FBN3: variants seen among roughly 807,000 people sequenced by gnomAD.
FBN3 encodes fibrillin-3.
A neutral mutation model predicts 330.1 loss-of-function variants in FBN3; 234 were observed. The ratio of observed to expected loss-of-function variants is 0.71; its 90% CI spans 0.64 to 0.79. FBN3 has a LOEUF of 0.79. FBN3 is among the 30% of genes least tolerant of loss of function. FBN3 has a pLI of 0.00. For missense variants in FBN3, 3,606 were observed against 3,886.9 expected (o/e 0.93, Z 1.92); for synonymous variants, 1,458 against 1,517.3 (o/e 0.96, Z 0.91).
intron 51 of FBN3, among the ~76,000 whole-genome samples, chr19:8,088,804 C>G (rs1226785552): frequency 6.6e-6 from 1 of 151,966 alleles, no homozygotes; most frequent in African/African-American, 2.4e-5. Flanking sequence ...AATGAAGGAA[C>G]AAATGAATGA....
rs557408053 is a variant in FBN3, at chr19:8,128,538, G to A, written c.2296+490C>T. On this transcript the variant is annotated intron_variant, in intron 18 of 63. Transcript: ENST00000600128. The stretch of plus-strand genomic sequence containing the variant: ...AGATCGTGCCACTGCACTCCAGCCT[G>A]GGTGATAGAGCAAGACTCTGTCTCA... 4.6e-5 allele frequency among the ~76,000 whole-genome samples: 7 copies of A among 151,766 alleles called. No individual in the cohort carries two copies. In the East Asian group the frequency reaches 1.4e-3, roughly 29 times the overall value.
rs556473334 is a variant in FBN3, at chr19:8,131,339, C to T, written c.1991-51G>A. ...CGGGTCAGGGAGCTTAGCCATGGCT[C>T]GGATTCAGCCACAGGCAAGGATGAG... On this transcript the variant is annotated intron_variant, in intron 15 of 63. Transcript: ENST00000600128. The surrounding 1 kb of genome is among the most constrained non-coding windows in gnomAD (Gnocchi z 4.5). The T allele has an allele frequency of 9.9e-5, 157 of 1,590,026 alleles. 1 individual carries two copies. The South Asian group carries it at 1.5e-3, about 15-fold the overall frequency.
chr19:8,116,886 T>G, intron 28 of FBN3, 87 bp from the exon 29 acceptor site: 1 of 1,498,076 alleles, frequency 6.7e-7, no homozygotes, highest in South Asian at 1.3e-5. Context: ...CAGGACGACC[T>G]GTAGCCAGGT....
At chr19:8,147,065 G>A in intron 3 of FBN3, 39 bp downstream of exon 3, 2 of 1,521,242 alleles carry the variant, frequency 1.3e-6, no homozygotes, top group Admixed American at 2.0e-5. Context: ...AGTGTCCCCG[G>A]CCTGTGCCCC....
In FBN3 at chr19:8,088,083, G is replaced by A. The variant is rs774216770; in HGVS notation, c.6473C>T (p.Pro2158Leu). ...FECACADGFE[P>L]GLMMTCEDID... Reference sequence around the variant, plus strand: ...ACCCTCGCAGGTCATCATGAGGCCAGGCTCAAAGCCGTCAGCACAGGCACA... The same window carrying A: ...ACCCTCGCAGGTCATCATGAGGCCAAGCTCAAAGCCGTCAGCACAGGCACA... The change falls in exon 52 of 64, where the codon CCT becomes CTT. Residue 2158 changes from proline to leucine, a missense_variant. Pro to Leu is a moderately conservative substitution (Grantham distance 98). Coordinates refer to ENST00000600128, the MANE Select transcript of FBN3 (RefSeq NM_032447.5). The A allele has an allele frequency of 3.7e-6, 6 of 1,614,120 alleles. No individual in the cohort carries two copies. The Admixed American group carries it at 1.0e-4, about 27-fold the overall frequency.
chr19:8,135,936 G>GACCCCC, intron 13 of FBN3, 25 bp downstream of exon 13: 11 of 668,778 alleles, frequency 1.6e-5, no homozygotes, highest in East Asian at 3.9e-5. Context: ...GGAAGCCCCT[G>GACCCCC]CCCACCCGCC....
chr19:8,125,866 T>C (rs35988441), intron 22 of FBN3, 26 bp downstream of exon 22: 270,300 of 1,585,656 alleles, frequency 0.17, 25,148 homozygotes, highest in East Asian at 0.36. Flanking sequence ...CGTGTGGCCC[T>C]GTATGCGGAC....
At position 8,109,570 on chromosome 19, in the gene FBN3, G is replaced by A; in HGVS notation, c.4456+61C>T. On this transcript the variant is annotated intron_variant, in intron 35 of 63. Transcript: ENST00000600128. The surrounding 1 kb of genome is among the most constrained non-coding windows in gnomAD (Gnocchi z 5.2). ...GTTGACATCTGAGTTAACCCAGTGG[G>A]GCAATCCCACCCACCTCTGCTGACC... The A allele has an allele frequency of 6.4e-7, 1 of 1,554,952 alleles. No homozygotes were observed. The highest frequency in any genetic ancestry group is 8.7e-7 in the Non-Finnish European group (1 of 1,148,462).
intron 18 of FBN3, among the ~76,000 whole-genome samples, chr19:8,127,059 G>GTTTTTTTT (rs869282535): frequency 9.6e-6 from 1 of 103,890 alleles, no homozygotes; most frequent in Non-Finnish European, 1.9e-5. Context: ...TTTTTTTTTT[G>GTTTTTTTT]TTTTTTTTTT....
Position 8,096,328 on chromosome 19 carries a change from C to T in FBN3, c.5539+116G>A. ...TTTACCCAAGATCTTAATCTCAGGA[C>T]CCAAACTTGGATCTCTTTGTGAACT... On this transcript the variant is annotated intron_variant, in intron 44 of 63. Coordinates refer to ENST00000600128, the MANE Select transcript of FBN3 (RefSeq NM_032447.5). The surrounding 1 kb of genome is among the most constrained non-coding windows in gnomAD (Gnocchi z 4.6). 1.5e-6 allele frequency: 2 copies of T among 1,324,112 alleles called. No individual in the cohort carries two copies. The highest frequency in any genetic ancestry group is 2.1e-6 in the Non-Finnish European group (2 of 973,804). 82.0% of individuals were successfully genotyped at this position (1,324,112 alleles called of 1,614,324 possible).
At position 8,130,636 on chromosome 19, in the gene FBN3, G is replaced by GGAAAGGA. The variant is rs1376693005; in HGVS notation, c.2044+598_2044+599insTCCTTTC. Among the ~76,000 whole-genome samples, 2 of 3,314 alleles carry GGAAAGGA rather than the reference G, an allele frequency of 6.0e-4. 1 individual carries two copies. The highest frequency in any genetic ancestry group is 3.2e-3 in the African/African-American group (2 of 634). 2.2% of individuals were successfully genotyped at this position (3,314 alleles called of 152,430 possible). Reference sequence around the variant, plus strand: ...AGAAAGAAAGAAAGAAAGAAAGAAAGAAAGAAAGGAAAGGAAAGGAAAGGA... The same window carrying GGAAAGGA: ...AGAAAGAAAGAAAGAAAGAAAGAAAGGAAAGGAAAAGAAAGGAAAGGAAAGGAAAGGA... On this transcript the variant is annotated intron_variant, in intron 16 of 63. Coordinates refer to ENST00000600128, the MANE Select transcript of FBN3 (RefSeq NM_032447.5).
Position 8,112,052 on chromosome 19 carries a change from A to T in FBN3, c.3886T>A (p.Ser1296Thr). 6.2e-7 allele frequency: 1 copy of T among 1,613,154 alleles called. No homozygotes were observed. The highest frequency in any genetic ancestry group is 8.5e-7 in the Non-Finnish European group (1 of 1,179,670). The change falls in exon 31 of 64, where the codon TCC becomes ACC. Residue 1296 changes from serine (S) to threonine (T), a missense_variant. By Grantham distance (58) the Ser-to-Thr change is moderately conservative (BLOSUM62 1). Coordinates refer to ENST00000600128, the MANE Select transcript of FBN3 (RefSeq NM_032447.5). Reference sequence around the variant, plus strand: ...AAACTCCCCGGGATGTTGAGACAGGAGGCGTGACTGTCACAGTTGTGTCCT... The same window carrying T: ...AAACTCCCCGGGATGTTGAGACAGGTGGCGTGACTGTCACAGTTGTGTCCT... ...VGGHNCDSHA[S>T]CLNIPGSFSC...
chr19:8,109,451 A>G lies in FBN3; in HGVS notation c.4457-63T>C. 1 of 1,586,542 alleles carries G rather than the reference A, an allele frequency of 6.3e-7. No homozygotes were observed. ...GGGAAAGCTGTATGTGTGCGTGTGC[A>G]TGCATGTGTCTATTTCAACAGGTGA... On this transcript the variant is annotated intron_variant, in intron 35 of 63. Coordinates refer to ENST00000600128, the MANE Select transcript of FBN3 (RefSeq NM_032447.5). The surrounding 1 kb of genome is among the most constrained non-coding windows in gnomAD (Gnocchi z 5.2).
At chr19:8,087,357 C>G in intron 53 of FBN3, 146 bp from the exon 54 acceptor site, 3 of 889,246 alleles carry the variant, frequency 3.4e-6, no homozygotes, top group Admixed American at 3.6e-5. Context: ...AGGAAGGGAG[C>G]CCCCAGCTCC....
At position 8,121,372 on chromosome 19, in the gene FBN3, G is replaced by C. The variant is rs758445321; in HGVS notation, c.3097C>G (p.Arg1033Gly). 1 of 1,603,912 alleles carries C rather than the reference G, an allele frequency of 6.2e-7. No individual in the cohort carries two copies. The highest frequency in any genetic ancestry group is 8.5e-7 in the Non-Finnish European group (1 of 1,175,750). The change falls in exon 25 of 64, where the codon CGC becomes GGC. Residue 1033 changes from arginine (R) to glycine (G), a missense_variant. Transcript: ENST00000600128. This position sits in a 1 kb window ranked among gnomAD's most constrained non-coding sequence, Gnocchi z 4.5. Reference sequence around the variant, plus strand: ...TGGCCGCAGAGGTCAGGAGAGATGCGACACTCGTCGATATCTGTGGGGAGA... The same window carrying C: ...TGGCCGCAGAGGTCAGGAGAGATGCCACACTCGTCGATATCTGTGGGGAGA... The part of the protein sequence containing the change: ...ERNCTDIDEC[R>G]ISPDLCGQGT...
At chr19:8,085,027 C>G (rs957683032) in intron 56 of FBN3, among the ~76,000 whole-genome samples, 1 of 152,062 alleles carries the variant, frequency 6.6e-6, no homozygotes, top group African/African-American at 2.4e-5. Flanking sequence ...GCTGGGATGA[C>G]AGGTATGCTA....
At chr19:8,120,927 C>T (rs1319526310) in intron 25 of FBN3, among the ~76,000 whole-genome samples, 2 of 152,216 alleles carry the variant, frequency 1.3e-5, no homozygotes, top group East Asian at 1.9e-4. Context: ...AAATGAATAA[C>T]GAAGTCAATG....
chr19:8,111,924 C>A, intron 31 of FBN3, 53 bp downstream of exon 31: 2 of 392,180 alleles, frequency 5.1e-6, no homozygotes, highest in Non-Finnish European at 9.0e-6. Flanking sequence ...CACCGCCTTG[C>A]CCCCCACCTA....
At chr19:8,073,435 G>A in intron 61 of FBN3, 138 bp from the exon 62 acceptor site, 1 of 702,200 alleles carries the variant, frequency 1.4e-6, no homozygotes, top group Non-Finnish European at 2.4e-6. Context: ...AGCTGGCAGT[G>A]AGCCCTGAGA....
Sources: gnomAD v4.1 joint callset for allele counts (sites outside exome capture counted in the v4.1 genomes callset) on GRCh38, gnomAD v4.1.1 for gene constraint, Gnocchi (gnomAD v3.1) non-coding constraint, MANE v1.5 for transcripts, NCBI Gene and HGNC (gene_info 2026-07-23, HGNC 2026-07-21) for gene names.